The following NAA15 variants were observed in gnomAD, a reference collection of about 807,000 sequenced individuals.
NAA15 encodes N-alpha-acetyltransferase 15, NatA auxiliary subunit.
A neutral mutation model predicts 114.0 loss-of-function variants in NAA15; 34 were observed. The observed-to-expected ratio is 0.30, with a 90% CI of 0.23 to 0.40. NAA15 has a LOEUF of 0.40. Ranked by LOEUF, NAA15 falls within the 10% of genes least tolerant of loss-of-function variation. The probability of loss-of-function intolerance (pLI) is 1.00; values close to 1 mark genes in which losing one functional copy is unlikely to be tolerated. For synonymous variants in NAA15, 340 were observed against 338.0 expected (o/e 1.01, Z -0.06); for missense variants, 658 against 1,004.5 (o/e 0.66, Z 4.66).
At chr4:139,350,911 G>C (rs1356424684) in intron 7 of NAA15, among the ~76,000 whole-genome samples, 1 of 152,108 alleles carries the variant, frequency 6.6e-6, no homozygotes, top group Admixed American at 6.5e-5. Flanking sequence ...GCAATATATG[G>C]AAACATGATA....
At chr4:139,311,668 T>C (rs1212572771) in intron 1 of NAA15, among the ~76,000 whole-genome samples, 1 of 151,940 alleles carries the variant, frequency 6.6e-6, no homozygotes, top group Non-Finnish European at 1.5e-5. Context: ...CCTGCTGCTG[T>C]ATTAGAATCT....
intron 1 of NAA15, among the ~76,000 whole-genome samples, chr4:139,314,988 C>T (rs144350396): frequency 0.12 from 2,421 of 19,558 alleles, 142 homozygotes; most frequent in Middle Eastern, 0.27. Flanking sequence ...GAGAAGCGTT[C>T]AGTTCAGTTC....
At chr4:139,363,558 T>C (rs2110963481) in intron 14 of NAA15, among the ~76,000 whole-genome samples, 1 of 152,358 alleles carries the variant, frequency 6.6e-6, no homozygotes, top group East Asian at 1.9e-4. Flanking sequence ...TGTCTGCATA[T>C]CATAATTATT....
intron 17 of NAA15, among the ~76,000 whole-genome samples, chr4:139,382,785 T>C (rs575798852): frequency 6.6e-6 from 1 of 152,316 alleles, no homozygotes; most frequent in South Asian, 2.1e-4. Flanking sequence ...CCCAGTTTTA[T>C]AGAATAATAG....
intron 14 of NAA15, among the ~76,000 whole-genome samples, chr4:139,363,606 A>G (rs1404048794): frequency 7.9e-5 from 12 of 152,332 alleles, no homozygotes; most frequent in South Asian, 4.1e-4. Flanking sequence ...GTAGGAATCT[A>G]TGTGAATTTT....
At chr4:139,312,483 A>G (rs988511584) in intron 1 of NAA15, among the ~76,000 whole-genome samples, 1 of 151,946 alleles carries the variant, frequency 6.6e-6, no homozygotes, top group Non-Finnish European at 1.5e-5. Context: ...TAGGTAAGAT[A>G]GGAAATTATA....
chr4:139,345,434 T>C (rs1747548710), intron 6 of NAA15, among the ~76,000 whole-genome samples: 1 of 152,192 alleles, frequency 6.6e-6, no homozygotes, highest in Non-Finnish European at 1.5e-5. Flanking sequence ...TGGAAATAAA[T>C]GACAAATTAT....
chr4:139,350,892 G>A (rs1269006947), intron 7 of NAA15, among the ~76,000 whole-genome samples: 1 of 152,158 alleles, frequency 6.6e-6, no homozygotes, highest in East Asian at 1.9e-4. Context: ...AAGGAGAATA[G>A]TAGGAGAAGC....
Position 139,319,497 on chromosome 4 carries a change from A to G in NAA15, c.55-14677A>G, listed in dbSNP as rs377168907. ...GTTGCCAACACTGCAGTGTAGTGAC[A>G]TGGTCATGGCTCACTGTAGCTTCAA... is the stretch of plus-strand genomic sequence containing the variant. On this transcript the variant is annotated intron_variant, in intron 1 of 19. Transcript: ENST00000296543. Among the ~76,000 whole-genome samples the G allele has an allele frequency of 2.1e-3, 313 of 152,154 alleles. 2 individuals carry two copies. The highest frequency in any genetic ancestry group is 7.4e-3 in the African/African-American group (309 of 41,514).
chr4:139,357,426 C>A lies in NAA15; in HGVS notation c.1128C>A (p.Val376=). The A allele has an allele frequency of 2.5e-6, 4 of 1,613,868 alleles. No individual in the cohort carries two copies. The highest frequency in any genetic ancestry group is 3.4e-6 in the Non-Finnish European group (4 of 1,179,880). The change falls in exon 11 of 20, where the codon GTC becomes GTA. Residue 376 remains valine (V), a synonymous_variant. Coordinates refer to ENST00000296543, the MANE Select transcript of NAA15 (RefSeq NM_057175.5). ...AACCACCAACCACATTACTTTGGGTCCAGTACTACTTGGCACAACATTATG... is the reference window on the plus strand; with the variant it reads ...AACCACCAACCACATTACTTTGGGTACAGTACTACTTGGCACAACATTATG... ...KEEPPTTLLW[V]QYYLAQHYDK... is the part of the protein sequence containing the mutation.
intron 6 of NAA15, among the ~76,000 whole-genome samples, chr4:139,349,207 C>T (rs1039472458): frequency 6.6e-6 from 1 of 151,938 alleles, no homozygotes; most frequent in Admixed American, 6.6e-5. Flanking sequence ...AGAATCTGGC[C>T]GGGCATTGGA....
At chr4:139,313,383 G>C (rs1206232417) in intron 1 of NAA15, among the ~76,000 whole-genome samples, 1 of 151,784 alleles carries the variant, frequency 6.6e-6, no homozygotes, top group Non-Finnish European at 1.5e-5. Flanking sequence ...TTTTAAGAAG[G>C]GGAACATTAA....
At chr4:139,359,063 C>T (rs1368624521) in intron 11 of NAA15, among the ~76,000 whole-genome samples, 2 of 151,322 alleles carry the variant, frequency 1.3e-5, no homozygotes, top group African/African-American at 4.9e-5. Context: ...CAAGATTGTG[C>T]CACTGTACTC....
intron 4 of NAA15, 109 bp downstream of exon 4, chr4:139,341,178 GA>G (rs1747375126): frequency 1.2e-6 from 1 of 817,222 alleles, no homozygotes; most frequent in Non-Finnish European, 1.7e-6. Context: ...TAATTTAATT[GA>G]ATTTTTTTTT....
chr4:139,325,758 C>T (rs1348131506), intron 1 of NAA15, among the ~76,000 whole-genome samples: 1 of 152,148 alleles, frequency 6.6e-6, no homozygotes, highest in Non-Finnish European at 1.5e-5. Context: ...AAGCCGTCCT[C>T]CCATCTCAGG....
chr4:139,305,901 G>C (rs1050320202), intron 1 of NAA15, among the ~76,000 whole-genome samples: 3 of 152,144 alleles, frequency 2.0e-5, no homozygotes, highest in Non-Finnish European at 4.4e-5. Flanking sequence ...TAGTTGTACT[G>C]TACTTGTTAT....
intron 15 of NAA15, among the ~76,000 whole-genome samples, chr4:139,373,152 G>A (rs559261801): frequency 1.3e-5 from 2 of 152,244 alleles, no homozygotes; most frequent in South Asian, 4.1e-4. Flanking sequence ...AAAGTGCTGG[G>A]ATTACAGGTG....
At chr4:139,315,006 T>TTTAGTTTAGTTTAGTTTAGG (rs773285130) in intron 1 of NAA15, among the ~76,000 whole-genome samples, 1,340 of 101,440 alleles carry the variant, frequency 0.013, 52 homozygotes, top group South Asian at 0.04. Flanking sequence ...TTCAGTTTAG[T>TTTAGTTTAGTTTAGTTTAGG]TTAGGTTAGG....
In NAA15 at chr4:139,334,156, TC is replaced by T; in HGVS notation, c.55-17del. 1 of 1,525,054 alleles carries T rather than the reference TC, an allele frequency of 6.6e-7. No individual in the cohort carries two copies. The highest frequency in any genetic ancestry group is 8.9e-7 in the Non-Finnish European group (1 of 1,120,228). 94.5% of individuals were successfully genotyped at this position (1,525,054 alleles called of 1,614,324 possible). On this transcript the variant is annotated splice_polypyrimidine_tract_variant and intron_variant, in intron 1 of 19. Transcript: ENST00000296543. Reference sequence around the variant, plus strand: ...GTATTCCTTGCTAAACTTAAATTTTTCTTTTTTGTTTTGACAGAGGTGTTAT... The same window carrying T: ...GTATTCCTTGCTAAACTTAAATTTTTTTTTTTGTTTTGACAGAGGTGTTAT...
Sources: gnomAD v4.1 joint callset for allele counts (sites outside exome capture counted in the v4.1 genomes callset) on GRCh38, gnomAD v4.1.1 for gene constraint, MANE v1.5 for transcripts, NCBI Gene and HGNC (gene_info 2026-07-23, HGNC 2026-07-21) for gene names.